LRP1B: variants seen among roughly 807,000 people sequenced by gnomAD.
LRP1B encodes LDL receptor related protein 1B, also known as low-density lipoprotein receptor-related protein 1B.
In LRP1B, 217 loss-of-function variants were observed where a neutral mutation model predicts 556.6. The observed-to-expected ratio is 0.39, with a 90% CI of 0.35 to 0.44. LRP1B has a LOEUF of 0.44. Among genes scored for constraint, LRP1B ranks in the 20% least tolerant of loss-of-function variants. The pLI is 1.00. For missense variants in LRP1B, 5,053 were observed against 5,620.8 expected (o/e 0.90, Z 3.23); for synonymous variants, 2,047 against 1,865.8 (o/e 1.10, Z -2.50).
At chr2:141,494,956 C>T (rs1449992116) in intron 2 of LRP1B, among the ~76,000 whole-genome samples, 1 of 151,772 alleles carries the variant, frequency 6.6e-6, no homozygotes, top group Non-Finnish European at 1.5e-5. Context: ...TATTGAGATA[C>T]TACAGAAGAA....
intron 1 of LRP1B, among the ~76,000 whole-genome samples, chr2:142,127,822 C>T (rs185046234): frequency 1.5e-3 from 222 of 152,136 alleles, no homozygotes; most frequent in African/African-American, 5.1e-3. Context: ...GAGAATTTAA[C>T]ACAGACTAGC....
intron 41 of LRP1B, among the ~76,000 whole-genome samples, chr2:140,603,707 A>G (rs1030290955): frequency 7.9e-5 from 12 of 152,160 alleles, no homozygotes; most frequent in African/African-American, 2.9e-4. Context: ...CAATATCCAC[A>G]TATAATCTGT....
intron 7 of LRP1B, among the ~76,000 whole-genome samples, chr2:141,158,678 T>C (rs1201033043): frequency 6.6e-6 from 1 of 152,206 alleles, no homozygotes; most frequent in Non-Finnish European, 1.5e-5. Flanking sequence ...ACTAAGCAGC[T>C]ACAGTATACA....
At chr2:141,362,559 T>C (rs1465312254) in intron 3 of LRP1B, among the ~76,000 whole-genome samples, 3 of 152,262 alleles carry the variant, frequency 2.0e-5, no homozygotes, top group Admixed American at 2.0e-4. Context: ...AGCTGGAATT[T>C]GTACTACTAC....
chr2:141,260,032 T>C (rs984747280), intron 3 of LRP1B, among the ~76,000 whole-genome samples: 1 of 152,164 alleles, frequency 6.6e-6, no homozygotes, highest in African/African-American at 2.4e-5. Flanking sequence ...GCGTTTTCTC[T>C]TTTATGCTTT....
intron 1 of LRP1B, among the ~76,000 whole-genome samples, chr2:141,932,534 T>A (rs1418751892): frequency 6.6e-6 from 1 of 152,054 alleles, no homozygotes; most frequent in African/African-American, 2.4e-5. Flanking sequence ...ACATAAAATA[T>A]TTCTTAGCAA....
Position 141,254,564 on chromosome 2 carries a change from C to T in LRP1B, c.421G>A (p.Glu141Lys), listed in dbSNP as rs2105340237. 6.2e-7 allele frequency: 1 copy of T among 1,612,076 alleles called. No individual in the cohort carries two copies. The highest frequency in any genetic ancestry group is 8.5e-7 in the Non-Finnish European group (1 of 1,178,656). The part of the protein sequence containing the change: ...MVRNSTRCYC[E>K]DGFEITEDGR... ...TCTTCTGTTATTTCGAATCCATCCT[C>T]ACAGTAACATCTTGTACTATTTCTG... The change falls in exon 4 of 91, where the codon GAG (glutamate) becomes AAG (lysine). Residue 141 changes from glutamate (E) to lysine (K), a missense_variant. Glu to Lys is a moderately conservative substitution (Grantham distance 56). This residue lies in a region of LRP1B where 3,619 missense variants were observed against 3,931.9 expected (regional missense o/e 0.92). Transcript: ENST00000389484.
intron 1 of LRP1B, among the ~76,000 whole-genome samples, chr2:141,842,405 C>T (rs147082793): frequency 2.6e-5 from 4 of 152,052 alleles, no homozygotes; most frequent in African/African-American, 7.2e-5. Context: ...TTCAACTAGA[C>T]GATTTGAACC....
At chr2:140,349,999 C>T (rs1205961802) in intron 77 of LRP1B, among the ~76,000 whole-genome samples, 1 of 152,054 alleles carries the variant, frequency 6.6e-6, no homozygotes, top group African/African-American at 2.4e-5. Context: ...GTGAGAACTT[C>T]TAGATAGGAA....
chr2:141,316,368 C>T (rs1234937982), intron 3 of LRP1B, among the ~76,000 whole-genome samples: 1 of 152,106 alleles, frequency 6.6e-6, no homozygotes, highest in East Asian at 1.9e-4. Context: ...TTCTGTCATG[C>T]TGAAACAAGA....
At chr2:140,483,903 G>A (rs1399922208) in intron 59 of LRP1B, among the ~76,000 whole-genome samples, 2 of 151,806 alleles carry the variant, frequency 1.3e-5, no homozygotes, top group Admixed American at 6.6e-5. Context: ...GGCGCCCAAA[G>A]TGCTGGAATT....
Position 140,789,618 on chromosome 2 carries a change from C to CTTTTTTTTT in LRP1B, c.5360-13389_5360-13381dup, listed in dbSNP as rs756120273. ...GCCAAGCACGATCTAGCTTTAAGGA[C>CTTTTTTTTT]TTTTTTTTTTTTTTTTTTTTTTTTT... is the stretch of plus-strand genomic sequence containing the variant. On this transcript the variant is annotated intron_variant, in intron 32 of 90. Transcript: ENST00000389484. 4.2e-3 allele frequency among the ~76,000 whole-genome samples: 302 copies of CTTTTTTTTT among 71,762 alleles called. 31 individuals carry two copies. Among genetic ancestry groups the CTTTTTTTTT allele is most frequent in the Non-Finnish European group, 6.6e-3 (253 of 38,140 alleles). The allele number at this position is 71,762 out of a possible 152,430, so 47.1% of individuals were successfully genotyped here.
In LRP1B at chr2:141,544,325, C is replaced by CTTCTTCTTCTTCTT. The variant is rs1559130991; in HGVS notation, c.206-63806_206-63793dup. Among the ~76,000 whole-genome samples the CTTCTTCTTCTTCTT allele has an allele frequency of 2.1e-3, 117 of 55,558 alleles. 4 individuals carry two copies. The highest frequency in any genetic ancestry group is 0.013 in the South Asian group (10 of 788). The allele number at this position is 55,558 out of a possible 152,430, so 36.4% of individuals were successfully genotyped here. On this transcript the variant is annotated intron_variant, in intron 2 of 90. Coordinates refer to ENST00000389484, the MANE Select transcript of LRP1B (RefSeq NM_018557.3). ...TCTTCTTCTTCTTCTTCTTCTTCTT[C>CTTCTTCTTCTTCTT]TTCTTCTTCTTCTTCTTCTTCTTCT...
chr2:141,412,866 C>G (rs947827024), intron 3 of LRP1B, among the ~76,000 whole-genome samples: 4 of 152,094 alleles, frequency 2.6e-5, no homozygotes, highest in African/African-American at 9.7e-5. Context: ...CAAGGATATT[C>G]ATGCCCGAAT....
intron 24 of LRP1B, among the ~76,000 whole-genome samples, chr2:140,884,585 G>A (rs566538685): frequency 6.6e-6 from 1 of 152,160 alleles, no homozygotes; most frequent in Non-Finnish European, 1.5e-5. Flanking sequence ...GGGACCCTAA[G>A]ACTTGCAAGA....
chr2:140,560,608 G>T (rs1034866047), intron 43 of LRP1B, among the ~76,000 whole-genome samples: 10 of 152,114 alleles, frequency 6.6e-5, no homozygotes, highest in African/African-American at 2.2e-4. Context: ...ATAAACTGAT[G>T]CCAGAATTAA....
intron 2 of LRP1B, among the ~76,000 whole-genome samples, chr2:141,770,555 G>A (rs1235290459): frequency 6.6e-6 from 1 of 152,322 alleles, no homozygotes; most frequent in East Asian, 1.9e-4. Context: ...ATAGAGAAGC[G>A]TTCTCTTTTT....
At chr2:141,172,065 G>A (rs1020138700) in intron 7 of LRP1B, among the ~76,000 whole-genome samples, 4 of 152,096 alleles carry the variant, frequency 2.6e-5, no homozygotes, top group African/African-American at 9.7e-5. Context: ...AAAACACTTC[G>A]TGTTTAGATA....
chr2:141,141,824 A>G (rs1405625699), intron 7 of LRP1B, among the ~76,000 whole-genome samples: 1 of 152,210 alleles, frequency 6.6e-6, no homozygotes, highest in Non-Finnish European at 1.5e-5. Context: ...GAAGAAGAAA[A>G]TGGCAATCTG....
Sources: gnomAD v4.1 joint callset for allele counts (sites outside exome capture counted in the v4.1 genomes callset) on GRCh38, gnomAD v4.1.1 for gene constraint, gnomAD v4.1.1 regional missense constraint, MANE v1.5 for transcripts, NCBI Gene and HGNC (gene_info 2026-07-23, HGNC 2026-07-21) for gene names.